The following DLG2 variants were observed in gnomAD, a reference collection of about 807,000 sequenced individuals.
The protein encoded by DLG2 is disks large homolog 2.
Under a neutral mutation model 132.5 loss-of-function variants are expected in DLG2, and 45 were observed. That is an observed-to-expected ratio of 0.34 (90% CI 0.27 to 0.44). The LOEUF (loss-of-function observed/expected upper bound fraction) is 0.44, where lower values mean the gene tolerates loss of function less well. Ranked by LOEUF, DLG2 falls within the 20% of genes least tolerant of loss-of-function variation. DLG2 has a pLI of 1.00. For missense variants in DLG2, 1,045 were observed against 1,196.9 expected (o/e 0.87, Z 1.87); for synonymous variants, 424 against 419.6 (o/e 1.01, Z -0.13).
intron 15 of DLG2, among the ~76,000 whole-genome samples, chr11:83,896,154 C>T (rs1382764034): frequency 1.3e-5 from 2 of 152,146 alleles, no homozygotes; most frequent in Admixed American, 1.3e-4. Flanking sequence ...ATGGAAGAAT[C>T]CATTTACTGC....
intron 15 of DLG2, among the ~76,000 whole-genome samples, chr11:83,909,238 A>G (rs914853811): frequency 4.6e-5 from 7 of 152,324 alleles, no homozygotes; most frequent in African/African-American, 1.7e-4. Flanking sequence ...AACCTTGGGC[A>G]GGCCATTTTC....
At chr11:83,540,180 A>G (rs1269742275) in intron 20 of DLG2, among the ~76,000 whole-genome samples, 1 of 152,174 alleles carries the variant, frequency 6.6e-6, no homozygotes, top group Non-Finnish European at 1.5e-5. Flanking sequence ...ACAGCTCTTC[A>G]GACAGCTCAA....
intron 3 of DLG2, among the ~76,000 whole-genome samples, chr11:85,588,414 G>A (rs1373857024): frequency 5.9e-5 from 9 of 151,968 alleles, no homozygotes; most frequent in South Asian, 2.1e-4. Context: ...AGGTTACTTC[G>A]AAAGCCTTGT....
intron 15 of DLG2, among the ~76,000 whole-genome samples, chr11:83,884,637 GCCT>G (rs1241792774): frequency 6.6e-6 from 1 of 152,218 alleles, no homozygotes; most frequent in Non-Finnish European, 1.5e-5. Flanking sequence ...CGGGCAGACT[GCCT>G]CCTCAAGTGG....
chr11:83,660,186 A>T (rs1490834351), intron 18 of DLG2, among the ~76,000 whole-genome samples: 5 of 152,146 alleles, frequency 3.3e-5, no homozygotes, highest in Admixed American at 3.3e-4. Flanking sequence ...TTTGAAAAAT[A>T]AGACATAACC....
intron 6 of DLG2, among the ~76,000 whole-genome samples, chr11:84,960,644 G>A (rs2052417435): frequency 6.6e-6 from 1 of 151,908 alleles, no homozygotes; most frequent in South Asian, 2.1e-4. Flanking sequence ...TCACCGTATT[G>A]CCCAGGTTGG....
chr11:83,577,091 C>A (rs749364888), intron 19 of DLG2, among the ~76,000 whole-genome samples: 1 of 151,974 alleles, frequency 6.6e-6, no homozygotes, highest in African/African-American at 2.4e-5. Flanking sequence ...CAGCTGCCAG[C>A]GAATATAAAG....
At chr11:84,644,365 G>A (rs529740516) in intron 6 of DLG2, among the ~76,000 whole-genome samples, 2 of 152,214 alleles carry the variant, frequency 1.3e-5, no homozygotes, top group African/African-American at 2.4e-5. Context: ...CCTTTCAAAA[G>A]AGCATCTGGA....
chr11:84,714,616 T>TC lies in DLG2; in HGVS notation c.358-179886_358-179885insG, dbSNP rs1174781179. ...CTCTTTCTTTCTCTTTCTCTTTCTC[T>TC]TTCTCTTTCTCTCTCTCTCTCTCTC... On this transcript the variant is annotated intron_variant, in intron 6 of 27. Coordinates refer to ENST00000376104, the MANE Select transcript of DLG2 (RefSeq NM_001142699.3). Among the ~76,000 whole-genome samples, 59 of 108,818 alleles carry TC rather than the reference T, an allele frequency of 5.4e-4. 3 individuals carry two copies. Among genetic ancestry groups the TC allele is most frequent in the African/African-American group, 1.8e-3 (47 of 25,604 alleles). 71.4% of individuals were successfully genotyped at this position (108,818 alleles called of 152,430 possible).
In DLG2 at chr11:85,517,239, TA is replaced by T. The variant is rs1282722080; in HGVS notation, c.40+81417del. The stretch of plus-strand genomic sequence containing the variant: ...TAAAATTCAACATCCTATCATGATT[TA>T]AAAAAAAACCCTCCCCAAGATAGGC... On this transcript the variant is annotated intron_variant, in intron 3 of 27. Transcript: ENST00000376104. 9.9e-5 allele frequency among the ~76,000 whole-genome samples: 15 copies of T among 150,946 alleles called. No individual in the cohort carries two copies. The East Asian group carries it at 1.4e-3, about 14-fold the overall frequency.
intron 6 of DLG2, among the ~76,000 whole-genome samples, chr11:84,766,696 T>C (rs1223998947): frequency 1.3e-5 from 2 of 152,052 alleles, no homozygotes; most frequent in Non-Finnish European, 2.9e-5. Flanking sequence ...CTTTTTAAAA[T>C]CCCTACAAAG....
At chr11:83,936,392 G>A (rs12222190) in intron 14 of DLG2, among the ~76,000 whole-genome samples, 4,372 of 152,138 alleles carry the variant, frequency 0.029, 121 homozygotes, top group East Asian at 0.15. Flanking sequence ...CAACTCTAAC[G>A]CCCGATTTGT....
intron 19 of DLG2, among the ~76,000 whole-genome samples, chr11:83,553,665 A>T (rs1288767050): frequency 1.3e-5 from 2 of 152,120 alleles, no homozygotes; most frequent in African/African-American, 4.8e-5. Context: ...AATTGCTGAT[A>T]GCTGAAACAC....
intron 17 of DLG2, among the ~76,000 whole-genome samples, chr11:83,828,312 G>T (rs2053470860): frequency 6.6e-6 from 1 of 152,162 alleles, no homozygotes; most frequent in African/African-American, 2.4e-5. Flanking sequence ...AGAATCACTT[G>T]AACCCAGAAG....
intron 6 of DLG2, among the ~76,000 whole-genome samples, chr11:84,842,061 G>A (rs1050224739): frequency 2.0e-5 from 3 of 151,806 alleles, no homozygotes; most frequent in African/African-American, 7.3e-5. Flanking sequence ...ATGGTTATAT[G>A]TATTTATACT....
At chr11:84,948,114 T>C (rs1321089195) in intron 6 of DLG2, among the ~76,000 whole-genome samples, 3 of 152,208 alleles carry the variant, frequency 2.0e-5, no homozygotes, top group Admixed American at 2.0e-4. Context: ...TTAAGAGGTG[T>C]CCTCTTTTCC....
chr11:84,434,512 T>C (rs2098994683), intron 7 of DLG2, among the ~76,000 whole-genome samples: 2 of 152,172 alleles, frequency 1.3e-5, no homozygotes, highest in African/African-American at 4.8e-5. Context: ...TCCTGTGACC[T>C]TGGGCTAGCT....
intron 18 of DLG2, among the ~76,000 whole-genome samples, chr11:83,748,793 T>C (rs1241596511): frequency 6.6e-6 from 1 of 152,226 alleles, no homozygotes; most frequent in East Asian, 1.9e-4. Flanking sequence ...TGTATGATAA[T>C]TTTTCACTTT....
intron 4 of DLG2, among the ~76,000 whole-genome samples, chr11:85,257,998 T>C (rs981314090): frequency 6.6e-6 from 1 of 152,172 alleles, no homozygotes; most frequent in Non-Finnish European, 1.5e-5. Context: ...AGCTCTTATA[T>C]ACACTTTTAC....
Sources: allele counts gnomAD v4.1 joint callset (sites outside exome capture counted in the v4.1 genomes callset), GRCh38; gene constraint gnomAD v4.1.1; transcripts MANE v1.5; gene names NCBI Gene and HGNC (gene_info 2026-07-23, HGNC 2026-07-21).